Variants in IMMP2L observed in about 807,000 individuals in gnomAD.
IMMP2L encodes mitochondrial inner membrane protease subunit 2.
A neutral mutation model predicts 19.3 loss-of-function variants in IMMP2L; 18 were observed. The observed-to-expected ratio is 0.93, with a 90% CI of 0.64 to 1.38. The LOEUF (loss-of-function observed/expected upper bound fraction) is 1.38, where lower values mean the gene tolerates loss of function less well. Among genes scored for constraint, IMMP2L ranks in the 40% most tolerant of loss-of-function variants. The pLI, the probability that IMMP2L is intolerant of heterozygous loss-of-function variation, is 0.00. For missense variants in IMMP2L, 233 were observed against 218.2 expected, an observed-to-expected ratio of 1.07 and a Z score of -0.43; for synonymous variants, 76 against 73.0, an observed-to-expected ratio of 1.04 and a Z score of -0.21.
intron 3 of IMMP2L, chr7:111,483,878 G>A (rs562019283): frequency 6.6e-6 from 1 of 152,256 alleles, no homozygotes; most frequent in Non-Finnish European, 1.5e-5. Context: ...GTATACTAAT[G>A]GCAGCAAACC....
chr7:110,923,708 T>C (rs1169254072), intron 4 of IMMP2L, among the ~76,000 whole-genome samples: 2 of 151,990 alleles, frequency 1.3e-5, no homozygotes, highest in Non-Finnish European at 2.9e-5. Context: ...TATTACTTAA[T>C]TAAAATAAAT....
chr7:111,108,915 C>G (rs536444568), intron 3 of IMMP2L, among the ~76,000 whole-genome samples: 1 of 152,180 alleles, frequency 6.6e-6, no homozygotes, highest in South Asian at 2.1e-4. Context: ...ACAACAATAG[C>G]AGGCAATATT....
rs1345661149 is a variant in IMMP2L, at chr7:110,728,095, T to C, written c.409-64374A>G. On this transcript the variant is annotated intron_variant, in intron 5 of 5. Coordinates refer to ENST00000405709, the MANE Select transcript of IMMP2L (RefSeq NM_032549.4). This position sits in a 1 kb window ranked among gnomAD's most constrained non-coding sequence, Gnocchi z 4.6. Reference sequence around the variant, plus strand: ...AACAATATATACTTCATAATGTTGATGGGAAGATTAAATAATATGCAAAGG... The same window carrying C: ...AACAATATATACTTCATAATGTTGACGGGAAGATTAAATAATATGCAAAGG... Among the ~76,000 whole-genome samples the C allele has an allele frequency of 6.6e-6, 1 of 152,242 alleles. No individual in the cohort carries two copies. Among genetic ancestry groups the C allele is most frequent in the Non-Finnish European group, 1.5e-5 (1 of 68,048 alleles).
intron 3 of IMMP2L, among the ~76,000 whole-genome samples, chr7:111,406,386 T>C (rs1233152618): frequency 6.6e-6 from 1 of 152,122 alleles, no homozygotes; most frequent in Non-Finnish European, 1.5e-5. Context: ...ACCTGGACTA[T>C]TGTAGTAGCC....
At chr7:110,850,451 T>C (rs1806086251) in intron 5 of IMMP2L, among the ~76,000 whole-genome samples, 2 of 152,072 alleles carry the variant, frequency 1.3e-5, no homozygotes, top group African/African-American at 4.8e-5. Flanking sequence ...TTGATTTACA[T>C]ATAACTGAAA....
chr7:110,910,781 G>A (rs1043338397), intron 4 of IMMP2L, among the ~76,000 whole-genome samples: 17 of 152,110 alleles, frequency 1.1e-4, no homozygotes, highest in Non-Finnish European at 2.5e-4. Context: ...TGTGAGACCT[G>A]ATAATTCTCT....
At chr7:111,451,495 A>C (rs1375633191) in intron 3 of IMMP2L, among the ~76,000 whole-genome samples, 2 of 141,744 alleles carry the variant, frequency 1.4e-5, no homozygotes, top group Non-Finnish European at 3.0e-5. Context: ...TCTCACTCAT[A>C]GGTGGGAATT....
intron 3 of IMMP2L, among the ~76,000 whole-genome samples, chr7:111,195,682 G>C (rs1809393840): frequency 3.0e-4 from 1 of 3,368 alleles, no homozygotes; most frequent in African/African-American, 1.9e-3. Context: ...ACTACCCTAT[G>C]AGTTCCTTTT....
intron 3 of IMMP2L, among the ~76,000 whole-genome samples, chr7:111,161,673 G>T (rs957409093): frequency 6.6e-6 from 1 of 151,814 alleles, no homozygotes; most frequent in African/African-American, 2.4e-5. Context: ...AAAATTCAAG[G>T]ATGTGAATAA....
intron 1 of IMMP2L, among the ~76,000 whole-genome samples, chr7:111,527,263 A>T (rs1265524963): frequency 2.0e-5 from 3 of 152,034 alleles, no homozygotes; most frequent in African/African-American, 7.2e-5. Context: ...CTAAAAATTT[A>T]AAAATTAGCA....
intron 3 of IMMP2L, among the ~76,000 whole-genome samples, chr7:111,211,062 T>C (rs527936557): frequency 1.3e-5 from 2 of 152,174 alleles, no homozygotes; most frequent in Non-Finnish European, 2.9e-5. Flanking sequence ...TAAATATGTA[T>C]TGAGTCAGTA....
chr7:111,265,300 T>C (rs1027326619), intron 3 of IMMP2L, among the ~76,000 whole-genome samples: 3 of 152,198 alleles, frequency 2.0e-5, no homozygotes, highest in African/African-American at 7.2e-5. Flanking sequence ...AAACACTTTT[T>C]CTCCTAAGCC....
chr7:110,717,054 G>A (rs565792063), intron 5 of IMMP2L, among the ~76,000 whole-genome samples: 2 of 152,226 alleles, frequency 1.3e-5, no homozygotes, highest in East Asian at 3.9e-4. Context: ...AGAGGATTTG[G>A]GTAAGTCTAC....
chr7:111,048,483 T>C (rs1792671015), intron 3 of IMMP2L, among the ~76,000 whole-genome samples: 1 of 151,958 alleles, frequency 6.6e-6, no homozygotes, highest in African/African-American at 2.4e-5. Context: ...GTCACCATAG[T>C]TGCTTCTATT....
At chr7:110,798,177 A>G (rs1800990848) in intron 5 of IMMP2L, among the ~76,000 whole-genome samples, 1 of 151,976 alleles carries the variant, frequency 6.6e-6, no homozygotes, top group African/African-American at 2.4e-5. Flanking sequence ...TTACAGGAAA[A>G]AAAAGAAAAG....
At chr7:111,561,301 A>G (rs1302987360) in intron 1 of IMMP2L, among the ~76,000 whole-genome samples, 2 of 152,190 alleles carry the variant, frequency 1.3e-5, no homozygotes, top group African/African-American at 4.8e-5. Context: ...CAGCCTGGTC[A>G]TCTCTCTCCC....
Position 110,870,424 on chromosome 7 carries a change from C to G in IMMP2L, c.408+16169G>C. On this transcript the variant is annotated intron_variant, in intron 5 of 5. Transcript: ENST00000405709. This position sits in a 1 kb window ranked among gnomAD's most constrained non-coding sequence, Gnocchi z 4.2. ...GAGCCAGCCAGGCACTGTGCTACAG[C>G]AGTGAACCAAAAGGACAAGGTTCCT... Among the ~76,000 whole-genome samples the G allele has an allele frequency of 6.6e-6, 1 of 152,058 alleles. No individual in the cohort carries two copies. Among genetic ancestry groups the G allele is most frequent in the East Asian group, 1.9e-4 (1 of 5,172 alleles).
At chr7:111,154,898 C>G (rs139130334) in intron 3 of IMMP2L, among the ~76,000 whole-genome samples, 131 of 152,146 alleles carry the variant, frequency 8.6e-4, no homozygotes, top group African/African-American at 3.0e-3. Flanking sequence ...GCTGGGACTA[C>G]AGCCCTGCCC....
At chr7:110,665,445 A>T (rs1791382814) in intron 5 of IMMP2L, among the ~76,000 whole-genome samples, 1 of 152,374 alleles carries the variant, frequency 6.6e-6, no homozygotes, top group African/African-American at 2.4e-5. Flanking sequence ...TAATGTAGAT[A>T]CAATATTACT....
Sources: gnomAD v4.1 joint callset for allele counts (sites outside exome capture counted in the v4.1 genomes callset) on GRCh38, gnomAD v4.1.1 for gene constraint, Gnocchi (gnomAD v3.1) non-coding constraint, MANE v1.5 for transcripts, NCBI Gene and HGNC (gene_info 2026-07-23, HGNC 2026-07-21) for gene names.